IL20RB: variants seen among roughly 807,000 people sequenced by gnomAD.
IL20RB encodes the protein interleukin 20 receptor subunit beta.
In IL20RB, 21 loss-of-function variants were observed where a neutral mutation model predicts 33.3. The ratio of observed to expected loss-of-function variants is 0.63; its 90% CI spans 0.45 to 0.91. The LOEUF is 0.91. Ranked by LOEUF, IL20RB falls within the 40% of genes least tolerant of loss-of-function variation. The pLI, the probability that IL20RB is intolerant of heterozygous loss-of-function variation, is 0.00. For missense variants in IL20RB, 345 were observed against 384.8 expected (o/e 0.90, Z 0.86); for synonymous variants, 147 against 146.8 (o/e 1.00, Z -0.01).
At chr3:137,006,871 A>G (rs928855526) in intron 6 of IL20RB, among the ~76,000 whole-genome samples, 1 of 152,156 alleles carries the variant, frequency 6.6e-6, no homozygotes, top group Non-Finnish European at 1.5e-5. Flanking sequence ...TAGAATTTTC[A>G]GCTTTTCTGC....
intron 1 of IL20RB, among the ~76,000 whole-genome samples, chr3:136,970,611 TTTCC>T (rs71134422): frequency 0.054 from 7,712 of 142,020 alleles, 264 homozygotes; most frequent in South Asian, 0.082. Context: ...GTTATTCTAG[TTTCC>T]TTCCTTCCTT....
intron 2 of IL20RB, 37 bp downstream of exon 2, chr3:136,980,629 C>G (rs1256457333): frequency 6.2e-7 from 1 of 1,612,738 alleles, no homozygotes; most frequent in Admixed American, 1.7e-5. Flanking sequence ...CTCCCTTAAG[C>G]AGAAGTTGGT....
intron 6 of IL20RB, among the ~76,000 whole-genome samples, chr3:137,009,659 C>A (rs1933031989): frequency 6.6e-6 from 1 of 152,056 alleles, no homozygotes; most frequent in Non-Finnish European, 1.5e-5. Context: ...CCTGCCTCAG[C>A]CTCACGAGTA....
intron 1 of IL20RB, among the ~76,000 whole-genome samples, chr3:136,961,129 A>G (rs1167688369): frequency 6.6e-6 from 1 of 152,202 alleles, no homozygotes; most frequent in Non-Finnish European, 1.5e-5. Flanking sequence ...AAAGAGTTAG[A>G]CCTAGGCTAA....
chr3:136,972,112 A>G (rs898204832), intron 1 of IL20RB, among the ~76,000 whole-genome samples: 3 of 152,156 alleles, frequency 2.0e-5, no homozygotes, highest in Admixed American at 1.3e-4. Context: ...TTTTTCATAT[A>G]TCTGTTGGCC....
chr3:136,961,944 T>A lies in IL20RB; in HGVS notation c.88+3743T>A, dbSNP rs575095473. Among the ~76,000 whole-genome samples, 23 of 152,260 alleles carry A rather than the reference T, an allele frequency of 1.5e-4. No individual in the cohort carries two copies. The South Asian group carries it at 4.8e-3, about 32-fold the overall frequency. On this transcript the variant is annotated intron_variant, in intron 1 of 6. Transcript: ENST00000329582. The stretch of plus-strand genomic sequence containing the variant: ...CACAGGCAGCTTGAAAGTGTTCCCA[T>A]TGGCCAAAAGCTAGAACAATTTGAA...
intron 6 of IL20RB, among the ~76,000 whole-genome samples, chr3:137,006,055 T>A (rs1490975366): frequency 6.6e-6 from 1 of 152,348 alleles, no homozygotes; most frequent in East Asian, 1.9e-4. Flanking sequence ...AAATTCTGGG[T>A]TGAAAATTCT....
chr3:136,990,859 G>A (rs1056284948), intron 4 of IL20RB, among the ~76,000 whole-genome samples: 13 of 152,240 alleles, frequency 8.5e-5, no homozygotes, highest in Non-Finnish European at 1.6e-4. Flanking sequence ...GCCCACGGTA[G>A]GATATGGCAT....
chr3:136,990,487 T>C (rs1942011074), intron 4 of IL20RB, among the ~76,000 whole-genome samples: 4 of 152,134 alleles, frequency 2.6e-5, no homozygotes, highest in Admixed American at 1.3e-4. Flanking sequence ...TACTCATGCC[T>C]ATGATGTGCC....
chr3:137,005,456 G>A (rs1942331673), intron 6 of IL20RB, among the ~76,000 whole-genome samples: 1 of 152,074 alleles, frequency 6.6e-6, no homozygotes, highest in African/African-American at 2.4e-5. Context: ...CTCCTGTATT[G>A]GGTGCATACA....
intron 1 of IL20RB, among the ~76,000 whole-genome samples, chr3:136,969,906 C>A (rs1193500568): frequency 6.6e-6 from 1 of 151,924 alleles, no homozygotes. Context: ...GGTGTCACAT[C>A]TAAGAACTTT....
At chr3:136,994,417 C>T (rs1169166772) in intron 5 of IL20RB, among the ~76,000 whole-genome samples, 1 of 152,084 alleles carries the variant, frequency 6.6e-6, no homozygotes, top group African/African-American at 2.4e-5. Context: ...TATATACCTA[C>T]AAAAATTAAA....
intron 6 of IL20RB, among the ~76,000 whole-genome samples, chr3:137,000,016 G>A (rs1942209678): frequency 6.6e-6 from 1 of 151,986 alleles, no homozygotes; most frequent in African/African-American, 2.4e-5. Context: ...TTTTTTATTT[G>A]GTGTAGGTCA....
At chr3:136,973,642 T>A (rs1007634536) in intron 1 of IL20RB, among the ~76,000 whole-genome samples, 1 of 152,242 alleles carries the variant, frequency 6.6e-6, no homozygotes, top group Admixed American at 6.5e-5. Flanking sequence ...ATGATCTGTC[T>A]AATGCTGAGA....
At chr3:136,963,693 A>AAT (rs1560064425) in intron 1 of IL20RB, among the ~76,000 whole-genome samples, 22 of 62,694 alleles carry the variant, frequency 3.5e-4, no homozygotes, top group East Asian at 1.1e-3. Context: ...TTTTTTTTTT[A>AAT]TTTTTTTTTT....
At chr3:136,986,211 TCAAATAAA>T (rs1941893908) in intron 3 of IL20RB, among the ~76,000 whole-genome samples, 1 of 139,674 alleles carries the variant, frequency 7.2e-6, no homozygotes, top group Non-Finnish European at 1.5e-5. Flanking sequence ...AGACTCCATC[TCAAATAAA>T]TAAATAAATA....
chr3:136,970,092 GT>G (rs947820961), intron 1 of IL20RB, among the ~76,000 whole-genome samples: 1 of 149,876 alleles, frequency 6.7e-6, no homozygotes, highest in Non-Finnish European at 1.5e-5. Flanking sequence ...TTTGTTTTTT[GT>G]TTTTTTGTTT....
chr3:136,962,651 C>T (rs1262500335), intron 1 of IL20RB, among the ~76,000 whole-genome samples: 5 of 151,312 alleles, frequency 3.3e-5, no homozygotes, highest in African/African-American at 1.2e-4. Context: ...ACTTGGGAGG[C>T]TGAGGCAGGA....
chr3:136,959,361 C>G (rs1941133096), intron 1 of IL20RB: 1 of 152,242 alleles, frequency 6.6e-6, no homozygotes, highest in Non-Finnish European at 1.5e-5. Context: ...CTCTCTTTGA[C>G]CCCAGGTACT....
Sources: gnomAD v4.1 joint callset for allele counts (sites outside exome capture counted in the v4.1 genomes callset) on GRCh38, gnomAD v4.1.1 for gene constraint, MANE v1.5 for transcripts, NCBI Gene and HGNC (gene_info 2026-07-23, HGNC 2026-07-21) for gene names.